The following ADGRE2 variants were observed in gnomAD, a reference collection of about 807,000 sequenced individuals.
ADGRE2 encodes the protein adhesion G protein-coupled receptor E2.
Under a neutral mutation model 100.8 loss-of-function variants are expected in ADGRE2, and 83 were observed. That is an observed-to-expected ratio of 0.82 (90% confidence interval 0.69 to 0.99). The LOEUF (loss-of-function observed/expected upper bound fraction) is 0.99. ADGRE2 is among the 50% of genes least tolerant of loss of function. The pLI is 0.00. For synonymous variants in ADGRE2, 355 were observed against 413.0 expected (o/e 0.86, Z 1.70); for missense variants, 814 against 1,035.7 (o/e 0.79, Z 2.94).
At chr19:14,766,729 C>G (rs535219325) in intron 6 of ADGRE2, among the ~76,000 whole-genome samples, 33 of 152,318 alleles carry the variant, frequency 2.2e-4, no homozygotes, top group Admixed American at 7.8e-4. Flanking sequence ...TCCACTCGCA[C>G]GTGACAGATG....
chr19:14,759,503 A>ATATATATATAT lies in ADGRE2; in HGVS notation c.1085-3159_1085-3158insATATATATATA, dbSNP rs60789454. On this transcript the variant is annotated intron_variant, in intron 11 of 20. Coordinates refer to ENST00000315576, the MANE Select transcript of ADGRE2 (RefSeq NM_013447.4). ...ATAAGTTATACATATATATATATAT[A>ATATATATATAT]TTTTTTTTTTTTAGACGGAGTCTCA... Among the ~76,000 whole-genome samples the ATATATATATAT allele has an allele frequency of 6.6e-3, 881 of 133,338 alleles. 14 individuals are homozygous for ATATATATATAT. Among genetic ancestry groups the ATATATATATAT allele is most frequent in the Admixed American group, 0.033 (424 of 12,952 alleles). The allele number at this position is 133,338 out of a possible 152,430, so 87.5% of individuals were successfully genotyped here. A position where few individuals can be genotyped will look rare whatever the true frequency, so the allele number is the denominator to read the frequency against.
At chr19:14,736,701 TATATAGATATTTAG>T (rs2042755818) in intron 20 of ADGRE2, among the ~76,000 whole-genome samples, 2 of 142,696 alleles carry the variant, frequency 1.4e-5, no homozygotes, top group African/African-American at 5.0e-5. Flanking sequence ...TATTTAGAAA[TATATAGATATTTAG>T]AAATATATAG....
chr19:14,746,446 C>T lies in ADGRE2; in HGVS notation c.2092-123G>A, dbSNP rs964065634. ...GGAGTGTGGCGGTGCAATCTCAGCTCACTGCCACCTCTGCCTCCCGGGTTC... is the reference window on the plus strand; with the variant it reads ...GGAGTGTGGCGGTGCAATCTCAGCTTACTGCCACCTCTGCCTCCCGGGTTC... On this transcript the variant is annotated intron_variant, in intron 17 of 20. Coordinates refer to ENST00000315576, the MANE Select transcript of ADGRE2 (RefSeq NM_013447.4). 1.4e-4 allele frequency: 89 copies of T among 632,586 alleles called. 1 individual carries two copies. Among genetic ancestry groups the T allele is most frequent in the Non-Finnish European group, 2.2e-4 (77 of 356,752 alleles). 39.2% of individuals were successfully genotyped at this position (632,586 alleles called of 1,614,324 possible).
intron 13 of ADGRE2, 88 bp from the exon 14 acceptor site, chr19:14,755,215 C>G: frequency 7.4e-7 from 1 of 1,342,788 alleles, no homozygotes; most frequent in Non-Finnish European, 1.0e-6. Flanking sequence ...AGGTGGATCA[C>G]TTGAGGTCAG....
At chr19:14,745,737 TG>T (rs1389329036) in intron 18 of ADGRE2, among the ~76,000 whole-genome samples, 1 of 152,116 alleles carries the variant, frequency 6.6e-6, no homozygotes, top group African/African-American at 2.4e-5. Context: ...CCCGAGTAGC[TG>T]GGACTACAGG....
chr19:14,768,349 T>C lies in ADGRE2; in HGVS notation c.356-1240A>G, dbSNP rs561993216. ...GTTGCCCCAGGGCTGTGAAGGTGCC[T>C]TTTTTTGATCCTCAGGAAGGTGTCT... On this transcript the variant is annotated intron_variant, in intron 5 of 20. Coordinates refer to ENST00000315576, the MANE Select transcript of ADGRE2 (RefSeq NM_013447.4). Among the ~76,000 whole-genome samples the C allele has an allele frequency of 1.8e-4, 27 of 152,284 alleles. No individual in the cohort carries two copies. The South Asian group carries it at 3.3e-3, about 19-fold the overall frequency.
At chr19:14,754,412 C>T (rs2732804) in intron 14 of ADGRE2, among the ~76,000 whole-genome samples, 111,832 of 151,514 alleles carry the variant, frequency 0.74, 41,696 homozygotes, top group South Asian at 0.83. Context: ...CAGCTGCCAG[C>T]GTGGCTAGAA....
chr19:14,758,933 C>G (rs1266613858), intron 11 of ADGRE2, among the ~76,000 whole-genome samples: 1 of 149,850 alleles, frequency 6.7e-6, no homozygotes, highest in Non-Finnish European at 1.5e-5. Context: ...TGCAGAGAGA[C>G]AGGGGCTCCC....
At chr19:14,777,007 C>CACAT in intron 1 of ADGRE2, 80 bp from the exon 2 acceptor site, 1 of 1,371,556 alleles carries the variant, frequency 7.3e-7, no homozygotes, top group East Asian at 2.9e-5. Flanking sequence ...CACACACACA[C>CACAT]ACACACACGT....
intron 5 of ADGRE2, among the ~76,000 whole-genome samples, chr19:14,770,673 T>TC (rs1456435933): frequency 0.57 from 70,795 of 124,990 alleles, 22,702 homozygotes; most frequent in African/African-American, 0.71. Flanking sequence ...TCTTTTCTTT[T>TC]TTTTTTTTTT....
At position 14,751,645 on chromosome 19, in the gene ADGRE2, G is replaced by C; in HGVS notation, c.1815C>G (p.Thr605=). ...AGGTGGCCAGGTAGAGATAGTGCAA[G>C]GTACCGGCGATGATGGAGCACAGCA... is the stretch of plus-strand genomic sequence containing the variant. ...HKVLCSIIAG[T]LHYLYLATLT... Residue 605 remains threonine, a synonymous_variant, in exon 16 of 21, where the codon ACC becomes ACG. Coordinates refer to ENST00000315576, the MANE Select transcript of ADGRE2 (RefSeq NM_013447.4). 6.2e-7 allele frequency: 1 copy of C among 1,614,040 alleles called. No homozygotes were observed. Among genetic ancestry groups the C allele is most frequent in the South Asian group, 1.1e-5 (1 of 91,072 alleles).
chr19:14,772,906 C>T (rs1003866230), intron 4 of ADGRE2, among the ~76,000 whole-genome samples: 22 of 151,330 alleles, frequency 1.5e-4, no homozygotes, highest in African/African-American at 4.9e-4. Flanking sequence ...GGGCAAAACC[C>T]CATCTCTACT....
At chr19:14,774,987 A>G (rs2044381872) in intron 2 of ADGRE2, among the ~76,000 whole-genome samples, 2 of 138,772 alleles carry the variant, frequency 1.4e-5, no homozygotes, top group Non-Finnish European at 3.2e-5. Flanking sequence ...AAATTTTAAA[A>G]TGATTTATTT....
chr19:14,746,406 TC>T, intron 17 of ADGRE2, 83 bp from the exon 18 acceptor site: 3 of 814,250 alleles, frequency 3.7e-6, no homozygotes, highest in Non-Finnish European at 6.2e-6. Context: ...AGGGTCTTGC[TC>T]TGTTGCCCAG....
chr19:14,733,645 T>G lies in ADGRE2; in HGVS notation c.*2591A>C, dbSNP rs1044708249. 1 of 152,192 alleles carries G rather than the reference T, an allele frequency of 6.6e-6. No homozygotes were observed. The highest frequency in any genetic ancestry group is 2.4e-5 in the African/African-American group (1 of 41,446). The allele number at this position is 152,192 out of a possible 1,614,324, so 9.4% of individuals were successfully genotyped here. A position where few individuals can be genotyped will look rare whatever the true frequency, so the allele number is the denominator to read the frequency against. On this transcript the variant is annotated 3_prime_UTR_variant, in exon 21 of 21. Transcript: ENST00000315576. The stretch of plus-strand genomic sequence containing the variant: ...TAAGAAACTCTCCCACCCTAAATCC[T>G]TAAACACTCTTAGTCTGTAGAAAAG...
In ADGRE2 at chr19:14,755,650, T is replaced by G. The variant is rs1455061248; in HGVS notation, c.1416+4A>C. On this transcript the variant is annotated splice_donor_region_variant and intron_variant, in intron 13 of 20. Coordinates refer to ENST00000315576, the MANE Select transcript of ADGRE2 (RefSeq NM_013447.4). ...ACCCACCAACCAACTCCACCAGCACTCACACGGTGGGAGAAGGTGAAGGTA... is the reference window on the plus strand; with the variant it reads ...ACCCACCAACCAACTCCACCAGCACGCACACGGTGGGAGAAGGTGAAGGTA... 1.2e-6 allele frequency: 2 copies of G among 1,613,460 alleles called. No homozygotes were observed. Among genetic ancestry groups the G allele is most frequent in the South Asian group, 2.2e-5 (2 of 91,068 alleles).
At chr19:14,761,747 C>T (rs62122623) in intron 11 of ADGRE2, among the ~76,000 whole-genome samples, 15,624 of 151,922 alleles carry the variant, frequency 0.1, 1,064 homozygotes, top group African/African-American at 0.19. Flanking sequence ...AAGGAGCTGG[C>T]GAAGACTCCA....
chr19:14,751,996 C>T lies in ADGRE2; in HGVS notation c.1789-325G>A, dbSNP rs1349899185. Among the ~76,000 whole-genome samples, 7 of 149,214 alleles carry T rather than the reference C, an allele frequency of 4.7e-5. No homozygotes were observed. In the South Asian group the frequency reaches 8.4e-4, roughly 18 times the overall value. On this transcript the variant is annotated intron_variant, in intron 15 of 20. Coordinates refer to ENST00000315576, the MANE Select transcript of ADGRE2 (RefSeq NM_013447.4). ...TTGCCCAGGCTGGCATGCAATGGTG[C>T]GATCTCGGCTTACCACAACCTCCAC...
chr19:14,756,835 G>A (rs1384702492), intron 11 of ADGRE2, among the ~76,000 whole-genome samples: 1 of 151,528 alleles, frequency 6.6e-6, no homozygotes, highest in Admixed American at 6.6e-5. Context: ...TATGGACATA[G>A]ATGCAAAAAT....
Sources: allele counts gnomAD v4.1 joint callset (sites outside exome capture counted in the v4.1 genomes callset), GRCh38; gene constraint gnomAD v4.1.1; transcripts MANE v1.5; gene names NCBI Gene and HGNC (gene_info 2026-07-23, HGNC 2026-07-21).